The following RELA variants were observed in gnomAD, a reference collection of about 807,000 sequenced individuals.
RELA encodes the protein RELA proto-oncogene, NF-kB subunit.
Under a neutral mutation model 56.7 loss-of-function variants are expected in RELA, and 14 were observed. The ratio of observed to expected loss-of-function variants is 0.25; its 90% confidence interval spans 0.16 to 0.39. RELA has a LOEUF of 0.39. RELA is among the 10% of genes least tolerant of loss of function. The probability of loss-of-function intolerance (pLI) is 1.00; values close to 1 mark genes in which losing one functional copy is unlikely to be tolerated. For synonymous variants in RELA, 315 were observed against 289.7 expected (o/e 1.09, Z -0.89); for missense variants, 559 against 736.4 (o/e 0.76, Z 2.79).
At position 65,659,784 on chromosome 11, in the gene RELA, C is replaced by T. The variant is rs1856518292; in HGVS notation, c.441G>A (p.Glu147=). Reference sequence around the variant, plus strand: ...CATTCAGGTCGTAGTCCCCACGCTGCTCTTCTATAGGAACTGCCAAGAAAA... The same window carrying T: ...CATTCAGGTCGTAGTCCCCACGCTGTTCTTCTATAGGAACTGCCAAGAAAA... ...NNNPFQVPIE[E]QRGDYDLNAV... is the part of the protein sequence containing the mutation. Residue 147 remains glutamate, a synonymous_variant, in exon 6 of 11, where the codon GAG becomes GAA. Transcript: ENST00000406246. 1 of 1,612,606 alleles carries T rather than the reference C, an allele frequency of 6.2e-7. No individual in the cohort carries two copies. The highest frequency in any genetic ancestry group is 8.5e-7 in the Non-Finnish European group (1 of 1,179,348).
Position 65,654,781 on chromosome 11 carries a change from G to T in RELA, c.1253C>A (p.Pro418His). 6.6e-7 allele frequency: 1 copy of T among 1,510,246 alleles called. No homozygotes were observed. 93.6% of individuals were successfully genotyped at this position (1,510,246 alleles called of 1,614,324 possible). A position where few individuals can be genotyped will look rare whatever the true frequency, so the allele number is the denominator to read the frequency against. ...APVPVLAPGP[P>H]QAVAPPAPKP... ...GGGGGCAGGTGGGGCCACAGCCTGA[G>T]GAGGGCCTGGGGCTAGGACTGGGAC... The change falls in exon 11 of 11, where the codon CCT becomes CAT. Residue 418 changes from proline to histidine, a missense_variant. Physicochemically the swap from Pro to His is moderately conservative, Grantham distance 77 (BLOSUM62 -2). This residue lies in a region of RELA where 365 missense variants were observed against 387.5 expected (regional missense o/e 0.94). Coordinates refer to ENST00000406246, the MANE Select transcript of RELA (RefSeq NM_021975.4).
At chr11:65,656,259 T>C (rs1268441337) in intron 8 of RELA, among the ~76,000 whole-genome samples, 1 of 152,206 alleles carries the variant, frequency 6.6e-6, no homozygotes, top group East Asian at 1.9e-4. Context: ...TGGCTCATTG[T>C]CAGCCTCCAC....
intron 8 of RELA, among the ~76,000 whole-genome samples, chr11:65,657,095 A>T (rs1195270528): frequency 6.6e-6 from 1 of 152,164 alleles, no homozygotes; most frequent in Non-Finnish European, 1.5e-5. Context: ...TGGTGATGTA[A>T]CAATACTGGA....
intron 4 of RELA, chr11:65,661,261 AAGAGAT>A (rs201301477): frequency 0.014 from 2,204 of 157,834 alleles, 44 homozygotes; most frequent in African/African-American, 0.049. Context: ...TCCTAGGCTC[AAGAGAT>A]CTTCCTGCCT....
rs1237054467 is a variant in RELA, at chr11:65,658,292, T to G, written c.872A>C (p.Asp291Ala). ...SEPMEFQYLP[D>A]TDDRHRIEEK... ...CTGCCACCCCAGCTGTGTACCTGTA[T>G]CTGGCAGGTACTGGAATTCCATGGG... The change falls in exon 8 of 11, where the codon GAT becomes GCT. Residue 291 changes from aspartate to alanine, a missense_variant. This residue lies in a region of RELA where 365 missense variants were observed against 387.5 expected (regional missense o/e 0.94). Transcript: ENST00000406246. The surrounding 1 kb of genome is among the most constrained non-coding windows in gnomAD (Gnocchi z 4.5). 6.3e-7 allele frequency: 1 copy of G among 1,593,266 alleles called. No homozygotes were observed. Among genetic ancestry groups the G allele is most frequent in the African/African-American group, 1.3e-5 (1 of 74,736 alleles).
intron 8 of RELA, among the ~76,000 whole-genome samples, chr11:65,657,996 T>C (rs568032365): frequency 3.3e-5 from 5 of 152,294 alleles, no homozygotes; most frequent in East Asian, 1.9e-4. Flanking sequence ...TGCTACTTAC[T>C]AGCCACGTGA....
chr11:65,662,154 C>T (rs1291076005), intron 2 of RELA, 25 bp downstream of exon 2: 1 of 1,588,744 alleles, frequency 6.3e-7, no homozygotes, highest in Non-Finnish European at 8.5e-7. Context: ...GGAGCACCTC[C>T]CCGACCGCCG....
Position 65,658,244 on chromosome 11 carries a change from C to T in RELA, c.877+43G>A. ...TGCAGTCTTGGCCTCTCTCTCACGG[C>T]ACAGAGCCCAGCTGCCCTGATGCTG... On this transcript the variant is annotated intron_variant, in intron 8 of 10. Coordinates refer to ENST00000406246, the MANE Select transcript of RELA (RefSeq NM_021975.4). The surrounding 1 kb of genome is among the most constrained non-coding windows in gnomAD (Gnocchi z 4.5). 1.1e-5 allele frequency: 16 copies of T among 1,464,330 alleles called. No homozygotes were observed. Among genetic ancestry groups the T allele is most frequent in the Middle Eastern group, 2.4e-4 (1 of 4,182 alleles). 90.7% of individuals were successfully genotyped at this position (1,464,330 alleles called of 1,614,324 possible).
At chr11:65,661,497 G>T (rs1036576163) in intron 4 of RELA, 190 bp downstream of exon 4, 2 of 544,730 alleles carry the variant, frequency 3.7e-6, no homozygotes, top group African/African-American at 3.8e-5. Flanking sequence ...GTATCCCCTG[G>T]AACTCATCTG....
intron 4 of RELA, 100 bp downstream of exon 4, chr11:65,661,587 A>C: frequency 8.5e-7 from 1 of 1,169,830 alleles, no homozygotes; most frequent in South Asian, 1.5e-5. Context: ...GGAGTGAGGA[A>C]TTCTGCCCTG....
chr11:65,659,961 TGTCCCCTCCTGG>T, intron 5 of RELA, 151 bp downstream of exon 5: 1 of 1,156,838 alleles, frequency 8.6e-7, no homozygotes, highest in Non-Finnish European at 1.2e-6. Flanking sequence ...CTGAATGTCA[TGTCCCCTCCTGG>T]GACTCAGTTT....
Position 65,661,952 on chromosome 11 carries a change from G to A in RELA, c.171C>T (p.Thr57=). The A allele has an allele frequency of 6.2e-7, 1 of 1,613,656 alleles. No homozygotes were observed. Among genetic ancestry groups the A allele is most frequent in the South Asian group, 1.1e-5 (1 of 91,024 alleles). Residue 57 remains threonine (T), a synonymous_variant, in exon 3 of 11, where the codon ACC becomes ACT. Coordinates refer to ENST00000406246, the MANE Select transcript of RELA (RefSeq NM_021975.4). ...PGERSTDTTK[T]HPTIKINGYT... The stretch of plus-strand genomic sequence containing the variant: ...CAGTGCTGACCTTGATGGTGGGGTG[G>A]GTCTTGGTGGTATCTGTGCTCCTCT...
In RELA at chr11:65,658,550, T is replaced by C; in HGVS notation, c.665-51A>G. Reference sequence around the variant, plus strand: ...GGTCAGTGTGTCTAACCCTCCATGGTCTCCCCCTCAACTTCTGATGCTTGT... The same window carrying C: ...GGTCAGTGTGTCTAACCCTCCATGGCCTCCCCCTCAACTTCTGATGCTTGT... On this transcript the variant is annotated intron_variant, in intron 7 of 10. Transcript: ENST00000406246. The surrounding 1 kb of genome is among the most constrained non-coding windows in gnomAD (Gnocchi z 4.5). 6.7e-7 allele frequency: 1 copy of C among 1,492,000 alleles called. No individual in the cohort carries two copies. Among genetic ancestry groups the C allele is most frequent in the Middle Eastern group, 1.7e-4 (1 of 5,748 alleles). The allele number at this position is 1,492,000 out of a possible 1,614,324, so 92.4% of individuals were successfully genotyped here.
intron 1 of RELA, chr11:65,662,522 C>T (rs1856598329): frequency 4.4e-6 from 2 of 450,970 alleles, no homozygotes; most frequent in South Asian, 5.2e-5. Flanking sequence ...GATGCGTTCT[C>T]CCCTAATAGG....
chr11:65,654,784 G>A lies in RELA; in HGVS notation c.1250C>T (p.Pro417Leu). 15 of 1,510,768 alleles carry A rather than the reference G, an allele frequency of 9.9e-6. No individual in the cohort carries two copies. Among genetic ancestry groups the A allele is most frequent in the East Asian group, 2.4e-5 (1 of 41,516 alleles). 93.6% of individuals were successfully genotyped at this position (1,510,768 alleles called of 1,614,324 possible). Residue 417 changes from proline to leucine, a missense_variant, in exon 11 of 11, where the codon CCT becomes CTT. Transcript: ENST00000406246. ...PAPVPVLAPG[P>L]PQAVAPPAPK... Reference sequence around the variant, plus strand: ...GGCAGGTGGGGCCACAGCCTGAGGAGGGCCTGGGGCTAGGACTGGGACAGG... The same window carrying A: ...GGCAGGTGGGGCCACAGCCTGAGGAAGGCCTGGGGCTAGGACTGGGACAGG...
rs1036631050 is a variant in RELA, at chr11:65,659,972, G to A, written c.427+152C>T. On this transcript the variant is annotated intron_variant, in intron 5 of 10. Transcript: ENST00000406246. ...TGGCCTGAATGTCATGTCCCCTCCTGGGACTCAGTTTCCCAGTGGTAAAGT... is the reference window on the plus strand; with the variant it reads ...TGGCCTGAATGTCATGTCCCCTCCTAGGACTCAGTTTCCCAGTGGTAAAGT... 3 of 1,149,456 alleles carry A rather than the reference G, an allele frequency of 2.6e-6. No homozygotes were observed. The East Asian group carries it at 7.1e-5, about 27-fold the overall frequency. 71.2% of individuals were successfully genotyped at this position (1,149,456 alleles called of 1,614,324 possible).
intron 1 of RELA, 147 bp from the exon 2 acceptor site, chr11:65,662,352 G>C (rs1373013616): frequency 1.1e-6 from 1 of 942,380 alleles, no homozygotes; most frequent in East Asian, 3.1e-5. Flanking sequence ...GTGAAACTAA[G>C]GGGTGGAGGA....
chr11:65,657,621 G>A (rs1265660530), intron 8 of RELA, among the ~76,000 whole-genome samples: 1 of 152,186 alleles, frequency 6.6e-6, no homozygotes, highest in Non-Finnish European at 1.5e-5. Context: ...CCTGCCTGGA[G>A]AACACACTTC....
chr11:65,655,815 C>G (rs1269985987), intron 9 of RELA, 40 bp downstream of exon 9: 3 of 1,613,116 alleles, frequency 1.9e-6, no homozygotes, highest in East Asian at 4.5e-5. Context: ...CCCTCCCTGC[C>G]CGCTGCCTTC....
Sources: gnomAD v4.1 joint callset for allele counts (sites outside exome capture counted in the v4.1 genomes callset) on GRCh38, gnomAD v4.1.1 for gene constraint, gnomAD v4.1.1 regional missense constraint, Gnocchi (gnomAD v3.1) non-coding constraint, MANE v1.5 for transcripts, NCBI Gene and HGNC (gene_info 2026-07-23, HGNC 2026-07-21) for gene names.